The following RTN1 variants were observed in gnomAD, a reference collection of about 807,000 sequenced individuals.
The protein encoded by RTN1 is reticulon-1.
RTN1 carries 25 observed loss-of-function variants against 65.5 expected under a neutral mutation model. The observed-to-expected ratio is 0.38, with a 90% CI of 0.28 to 0.53. The LOEUF is 0.53. Among genes scored for constraint, RTN1 ranks in the 20% least tolerant of loss-of-function variants. RTN1 has a pLI of 0.79. For synonymous variants in RTN1, 471 were observed against 447.6 expected, an observed-to-expected ratio of 1.05 and a Z score of -0.66; for missense variants, 983 against 1,025.4, an observed-to-expected ratio of 0.96 and a Z score of 0.57.
chr14:59,755,638 A>G (rs965768824), intron 1 of RTN1, among the ~76,000 whole-genome samples: 2 of 152,174 alleles, frequency 1.3e-5, no homozygotes, highest in African/African-American at 4.8e-5. Context: ...TTGACAACAG[A>G]GTCCTCCATG....
At chr14:59,841,572 TG>T (rs1272572737) in intron 1 of RTN1, among the ~76,000 whole-genome samples, 1 of 151,902 alleles carries the variant, frequency 6.6e-6, no homozygotes, top group Non-Finnish European at 1.5e-5. Context: ...CCAGGCATGG[TG>T]GCATAAGCCT....
chr14:59,775,334 G>A (rs1009700594), intron 1 of RTN1, among the ~76,000 whole-genome samples: 1 of 152,196 alleles, frequency 6.6e-6, no homozygotes, highest in Admixed American at 6.5e-5. Context: ...CTTTATGTGA[G>A]AGTAAGAAAT....
chr14:59,849,361 T>C lies in RTN1; in HGVS notation c.241+21029A>G, dbSNP rs1887465277. Among the ~76,000 whole-genome samples the C allele has an allele frequency of 1.3e-5, 2 of 152,298 alleles. No individual in the cohort carries two copies. Among genetic ancestry groups the C allele is most frequent in the South Asian group, 4.1e-4 (2 of 4,822 alleles). The stretch of plus-strand genomic sequence containing the variant: ...TAGAGTACATTTTCATATTTGAGCA[T>C]GGTAAAAGAAAAACCAATTAACTCC... On this transcript the variant is annotated intron_variant, in intron 1 of 8. Transcript: ENST00000267484. The surrounding 1 kb of genome is among the most constrained non-coding windows in gnomAD (Gnocchi z 4.5).
At chr14:59,752,439 G>A (rs1032996995) in intron 1 of RTN1, among the ~76,000 whole-genome samples, 15 of 151,872 alleles carry the variant, frequency 9.9e-5, no homozygotes, top group African/African-American at 2.9e-4. Flanking sequence ...CCAAAGGCCC[G>A]ACTCCAGATA....
intron 1 of RTN1, among the ~76,000 whole-genome samples, chr14:59,760,093 A>G (rs1042674412): frequency 3.9e-5 from 6 of 152,228 alleles, no homozygotes; most frequent in South Asian, 2.1e-4. Context: ...AAAAATTGGA[A>G]TCAAATATCC....
At chr14:59,818,458 C>T (rs905405222) in intron 1 of RTN1, among the ~76,000 whole-genome samples, 16 of 152,222 alleles carry the variant, frequency 1.1e-4, no homozygotes, top group Non-Finnish European at 4.4e-5. Flanking sequence ...ATCTCCAGCA[C>T]TCACACAGTG....
At chr14:59,844,902 G>T (rs77092609) in intron 1 of RTN1, among the ~76,000 whole-genome samples, 133 of 152,256 alleles carry the variant, frequency 8.7e-4, no homozygotes, top group Non-Finnish European at 1.6e-3. Context: ...ATTTTCTGCT[G>T]TAGTTAAGAC....
chr14:59,679,107 G>C (rs1361363977), intron 3 of RTN1, among the ~76,000 whole-genome samples: 1 of 152,122 alleles, frequency 6.6e-6, no homozygotes, highest in Non-Finnish European at 1.5e-5. Context: ...GGAACAGGTA[G>C]GAATCTACTA....
chr14:59,693,680 C>T (rs1428908197), intron 3 of RTN1, among the ~76,000 whole-genome samples: 1 of 152,180 alleles, frequency 6.6e-6, no homozygotes, highest in African/African-American at 2.4e-5. Context: ...ACTGTGAATG[C>T]CATTATTTTG....
At chr14:59,785,082 T>G (rs1286835717) in intron 1 of RTN1, among the ~76,000 whole-genome samples, 1 of 152,234 alleles carries the variant, frequency 6.6e-6, no homozygotes, top group Non-Finnish European at 1.5e-5. Context: ...CTTACCTCAC[T>G]GGATAAATCC....
intron 3 of RTN1, among the ~76,000 whole-genome samples, chr14:59,664,321 G>T (rs1883316589): frequency 6.6e-6 from 1 of 152,146 alleles, no homozygotes; most frequent in Admixed American, 6.5e-5. Context: ...CTGTCAGGTG[G>T]TGGGGGGAAA....
chr14:59,791,908 C>T (rs916574822), intron 1 of RTN1, among the ~76,000 whole-genome samples: 3 of 152,044 alleles, frequency 2.0e-5, no homozygotes, highest in East Asian at 3.9e-4. Flanking sequence ...TTTCCAAATC[C>T]TTCCCCAGGG....
At chr14:59,610,954 T>C (rs1881929284) in intron 3 of RTN1, among the ~76,000 whole-genome samples, 1 of 152,190 alleles carries the variant, frequency 6.6e-6, no homozygotes, top group Admixed American at 6.5e-5. Flanking sequence ...GAAGACTGCT[T>C]TGACTCCCTA....
chr14:59,694,596 CTG>C (rs1429026476), intron 3 of RTN1, among the ~76,000 whole-genome samples: 1 of 152,138 alleles, frequency 6.6e-6, no homozygotes, highest in Non-Finnish European at 1.5e-5. Context: ...AATTACAAAA[CTG>C]AGAAAAATGC....
At chr14:59,823,083 C>G (rs1280904369) in intron 1 of RTN1, among the ~76,000 whole-genome samples, 2 of 152,122 alleles carry the variant, frequency 1.3e-5, no homozygotes. Context: ...AGTGATCTGT[C>G]TAACACTGTT....
chr14:59,644,346 C>T (rs527393705), intron 3 of RTN1, among the ~76,000 whole-genome samples: 5 of 152,276 alleles, frequency 3.3e-5, no homozygotes, highest in Non-Finnish European at 5.9e-5. Flanking sequence ...ACCTGGGAAT[C>T]GGTGAGTGAG....
chr14:59,830,101 C>T (rs1464353806), intron 1 of RTN1, among the ~76,000 whole-genome samples: 1 of 152,178 alleles, frequency 6.6e-6, no homozygotes, highest in Non-Finnish European at 1.5e-5. Flanking sequence ...AACTACGTGG[C>T]CTTCTCCCCA....
At chr14:59,598,303 T>C (rs769387484) in intron 8 of RTN1, among the ~76,000 whole-genome samples, 5 of 152,180 alleles carry the variant, frequency 3.3e-5, no homozygotes, top group Non-Finnish European at 7.3e-5. Flanking sequence ...GGAAGATTCT[T>C]TGGTTTTTAG....
chr14:59,623,016 T>C (rs1882297604), intron 3 of RTN1, among the ~76,000 whole-genome samples: 1 of 152,220 alleles, frequency 6.6e-6, no homozygotes, highest in Non-Finnish European at 1.5e-5. Flanking sequence ...GTGCTTTCTA[T>C]AGATAGTAAA....
Sources: gnomAD v4.1 joint callset for allele counts (sites outside exome capture counted in the v4.1 genomes callset) on GRCh38, gnomAD v4.1.1 for gene constraint, Gnocchi (gnomAD v3.1) non-coding constraint, MANE v1.5 for transcripts, NCBI Gene and HGNC (gene_info 2026-07-23, HGNC 2026-07-21) for gene names.